Variants in GKAP1 observed in about 807,000 individuals in gnomAD.
GKAP1 encodes G kinase-anchoring protein 1.
Under a neutral mutation model 56.7 loss-of-function variants are expected in GKAP1, and 31 were observed. The ratio of observed to expected loss-of-function variants is 0.55; its 90% CI spans 0.41 to 0.74. GKAP1 has a LOEUF of 0.74. Among genes scored for constraint, GKAP1 ranks in the 30% least tolerant of loss-of-function variants. The pLI is 0.00. For missense variants in GKAP1, 364 were observed against 402.3 expected, an observed-to-expected ratio of 0.90 and a Z score of 0.82; for synonymous variants, 151 against 138.6, an observed-to-expected ratio of 1.09 and a Z score of -0.63.
chr9:83,814,446 C>T (rs1046213549), intron 2 of GKAP1, among the ~76,000 whole-genome samples: 6 of 152,174 alleles, frequency 3.9e-5, no homozygotes, highest in Non-Finnish European at 7.3e-5. Context: ...TGACCTGTTC[C>T]TGAAGTTAAA....
At chr9:83,802,843 AT>A (rs1412768465) in intron 3 of GKAP1, among the ~76,000 whole-genome samples, 22 of 151,918 alleles carry the variant, frequency 1.4e-4, no homozygotes, top group Admixed American at 1.1e-3. Flanking sequence ...AAAAAAAAAA[AT>A]AAAAGAGGCC....
chr9:83,779,551 GTATA>G (rs10546261), intron 7 of GKAP1, among the ~76,000 whole-genome samples: 1 of 111,292 alleles, frequency 9.0e-6, no homozygotes, highest in Non-Finnish European at 1.8e-5. Context: ...ATATACACGT[GTATA>G]TGTGTATATA....
rs1944293839 is a variant in GKAP1 at position 83,799,239 on chromosome 9, T to C, written c.306A>G (p.Val102=). 1 of 1,612,498 alleles carries C rather than the reference T, an allele frequency of 6.2e-7. No homozygotes were observed. Among genetic ancestry groups the C allele is most frequent in the African/African-American group, 1.3e-5 (1 of 74,862 alleles). The change falls in exon 4 of 13, where the codon GTA becomes GTG. Residue 102 remains valine, a synonymous_variant. Coordinates refer to ENST00000376371, the MANE Select transcript of GKAP1 (RefSeq NM_025211.4). ...AQHDLPLSNP[V]QKDSREENWQ... ...AATTTTCTTCTCGTGAATCCTTCTG[T>C]ACTGGGTTTGACAATGGAAGATCAT...
At chr9:83,784,095 T>C (rs113488771) in intron 6 of GKAP1, among the ~76,000 whole-genome samples, 1 of 131,486 alleles carries the variant, frequency 7.6e-6, no homozygotes, top group Non-Finnish European at 1.7e-5. Flanking sequence ...TGAAACCCTG[T>C]CTCTACTAAA....
At chr9:83,777,277 T>TA (rs1194112173) in intron 7 of GKAP1, among the ~76,000 whole-genome samples, 1 of 152,032 alleles carries the variant, frequency 6.6e-6, no homozygotes, top group Non-Finnish European at 1.5e-5. Context: ...AAAACCATAC[T>TA]AGAAGGACTG....
At chr9:83,750,174 C>T (rs1943364792) in intron 9 of GKAP1, among the ~76,000 whole-genome samples, 1 of 152,076 alleles carries the variant, frequency 6.6e-6, no homozygotes. Context: ...AGCATGATTA[C>T]CTGTGACAAT....
At chr9:83,781,383 G>A (rs10868062) in intron 6 of GKAP1, among the ~76,000 whole-genome samples, 85,771 of 151,984 alleles carry the variant, frequency 0.56, 24,802 homozygotes, top group Admixed American at 0.7. Flanking sequence ...ACAAATAGTG[G>A]GCAAGTATTC....
At chr9:83,768,728 AT>A in intron 8 of GKAP1, 89 bp downstream of exon 8, 1 of 1,079,840 alleles carries the variant, frequency 9.3e-7, no homozygotes, top group Non-Finnish European at 1.4e-6. Context: ...TTATACAATC[AT>A]AATTTGATTC....
At chr9:83,759,645 G>C (rs1349070134) in intron 8 of GKAP1, among the ~76,000 whole-genome samples, 1 of 152,056 alleles carries the variant, frequency 6.6e-6, no homozygotes, top group Non-Finnish European at 1.5e-5. Flanking sequence ...GTTTAATCTA[G>C]GGGTAGAATT....
chr9:83,782,229 G>T (rs888081732), intron 6 of GKAP1, among the ~76,000 whole-genome samples: 3 of 151,888 alleles, frequency 2.0e-5, no homozygotes, highest in Non-Finnish European at 4.4e-5. Flanking sequence ...ACTATAGCTA[G>T]CCTCTGGCTC....
intron 2 of GKAP1, among the ~76,000 whole-genome samples, chr9:83,813,209 C>G (rs1246777856): frequency 6.6e-6 from 1 of 152,114 alleles, no homozygotes; most frequent in Non-Finnish European, 1.5e-5. Flanking sequence ...TACACTTGGT[C>G]TTTAAAATTT....
chr9:83,769,093 A>G, intron 7 of GKAP1, 123 bp from the exon 8 acceptor site: 1 of 634,746 alleles, frequency 1.6e-6, no homozygotes. Flanking sequence ...GAAGGATAAA[A>G]AAAGAAAGAA....
intron 3 of GKAP1, among the ~76,000 whole-genome samples, chr9:83,806,030 T>C (rs1425113229): frequency 2.0e-5 from 3 of 152,020 alleles, no homozygotes; most frequent in Non-Finnish European, 4.4e-5. Context: ...GGTGTGAGGC[T>C]ACCTTGAGCC....
chr9:83,796,669 A>G (rs1485360760), intron 4 of GKAP1, among the ~76,000 whole-genome samples: 4 of 151,766 alleles, frequency 2.6e-5, no homozygotes, highest in East Asian at 3.9e-4. Context: ...ACTTCTCCAC[A>G]TTGGTCAGGC....
In GKAP1 at chr9:83,755,826, C is replaced by T. The variant is rs980620027; in HGVS notation, c.739-2467G>A. Among the ~76,000 whole-genome samples the T allele has an allele frequency of 5.7e-5, 7 of 122,854 alleles. No individual in the cohort carries two copies. In the South Asian group the frequency reaches 7.5e-4, roughly 13 times the overall value. The allele number at this position is 122,854 out of a possible 152,430, so 80.6% of individuals were successfully genotyped here. The stretch of plus-strand genomic sequence containing the variant: ...TTTTTTTTTTTTTTTTTTTTTGAGA[C>T]GAAGTCTCGATCTTATCTCCCAGGC... On this transcript the variant is annotated intron_variant, in intron 8 of 12. Transcript: ENST00000376371.
intron 11 of GKAP1, 40 bp from the exon 12 acceptor site, chr9:83,742,069 T>G (rs1170039648): frequency 6.7e-6 from 9 of 1,333,832 alleles, no homozygotes; most frequent in Non-Finnish European, 9.5e-6. Context: ...ATTTTTGGGG[T>G]TTTTGGCAAA....
chr9:83,779,018 G>A (rs1412826995), intron 7 of GKAP1, among the ~76,000 whole-genome samples: 5 of 151,912 alleles, frequency 3.3e-5, no homozygotes, highest in Non-Finnish European at 5.9e-5. Context: ...AGAAGAAAAC[G>A]CAAGCATCAA....
At chr9:83,804,074 A>C (rs1944382892) in intron 3 of GKAP1, among the ~76,000 whole-genome samples, 2 of 148,686 alleles carry the variant, frequency 1.3e-5, no homozygotes, top group Admixed American at 1.3e-4. Flanking sequence ...CCCGTCTGGG[A>C]AGTGAGGAGC....
At chr9:83,786,252 T>C (rs539460604) in intron 5 of GKAP1, among the ~76,000 whole-genome samples, 14 of 152,234 alleles carry the variant, frequency 9.2e-5, no homozygotes, top group African/African-American at 2.9e-4. Context: ...GAACAGAAAA[T>C]GCTATCCCAG....
Sources: allele counts gnomAD v4.1 joint callset (sites outside exome capture counted in the v4.1 genomes callset), GRCh38; gene constraint gnomAD v4.1.1; transcripts MANE v1.5; gene names NCBI Gene and HGNC (gene_info 2026-07-23, HGNC 2026-07-21).